The following PDGFC variants were observed in gnomAD, a reference collection of about 807,000 sequenced individuals.
The protein encoded by PDGFC is platelet-derived growth factor C.
In PDGFC, 12 loss-of-function variants were observed where a neutral mutation model predicts 35.5. That is an observed-to-expected ratio of 0.34 (90% CI 0.22 to 0.55). PDGFC has a LOEUF of 0.55. Ranked by LOEUF, PDGFC falls within the 20% of genes least tolerant of loss-of-function variation. The pLI is 0.91. For synonymous variants in PDGFC, 159 were observed against 148.8 expected, an observed-to-expected ratio of 1.07 and a Z score of -0.50; for missense variants, 322 against 412.4, an observed-to-expected ratio of 0.78 and a Z score of 1.90.
intron 3 of PDGFC, among the ~76,000 whole-genome samples, chr4:156,796,534 A>C (rs1731447355): frequency 7.2e-6 from 1 of 139,576 alleles, no homozygotes; most frequent in Non-Finnish European, 1.5e-5. Context: ...GTGTCAATTT[A>C]CAATTATCTC....
chr4:156,800,903 C>A (rs1353818199), intron 3 of PDGFC, among the ~76,000 whole-genome samples: 5 of 152,124 alleles, frequency 3.3e-5, no homozygotes, highest in Non-Finnish European at 5.9e-5. Flanking sequence ...TTTTAATACA[C>A]CTTTCCCCAA....
At chr4:156,939,772 T>G (rs1401789945) in intron 1 of PDGFC, among the ~76,000 whole-genome samples, 1 of 152,096 alleles carries the variant, frequency 6.6e-6, no homozygotes, top group African/African-American at 2.4e-5. Flanking sequence ...CCTTATGCCT[T>G]AAATATTACC....
chr4:156,919,101 T>C (rs949754269), intron 1 of PDGFC, among the ~76,000 whole-genome samples: 1 of 152,220 alleles, frequency 6.6e-6, no homozygotes, highest in African/African-American at 2.4e-5. Context: ...CCATCTGATA[T>C]AAGCAATACA....
At chr4:156,909,855 CTTGGA>C (rs1730998933) in intron 1 of PDGFC, among the ~76,000 whole-genome samples, 1 of 152,102 alleles carries the variant, frequency 6.6e-6, no homozygotes, top group South Asian at 2.1e-4. Context: ...ATAAGAGCAT[CTTGGA>C]TTTACATTGT....
At chr4:156,924,222 G>C (rs183080253) in intron 1 of PDGFC, among the ~76,000 whole-genome samples, 1 of 152,108 alleles carries the variant, frequency 6.6e-6, no homozygotes, top group Non-Finnish European at 1.5e-5. Context: ...GTGTTTATTC[G>C]TGGGCAGCCG....
intron 1 of PDGFC, among the ~76,000 whole-genome samples, chr4:156,879,137 C>T (rs1158759864): frequency 6.6e-6 from 1 of 152,122 alleles, no homozygotes; most frequent in Non-Finnish European, 1.5e-5. Context: ...TTTTCTCATT[C>T]TTCCTCCTGG....
intron 1 of PDGFC, among the ~76,000 whole-genome samples, chr4:156,964,233 A>G (rs1579129932): frequency 6.6e-6 from 1 of 151,818 alleles, no homozygotes; most frequent in Non-Finnish European, 1.5e-5. Context: ...CATATTATTC[A>G]TCACCATCAC....
Position 156,971,081 on chromosome 4 carries a change from C to T in PDGFC, c.-178G>A. 3.5e-6 allele frequency: 2 copies of T among 574,510 alleles called. No homozygotes were observed. The highest frequency in any genetic ancestry group is 6.2e-6 in the Non-Finnish European group (2 of 321,336). The allele number at this position is 574,510 out of a possible 1,614,324, so 35.6% of individuals were successfully genotyped here. A position where few individuals can be genotyped will look rare whatever the true frequency, so the allele number is the denominator to read the frequency against. On this transcript the variant is annotated 5_prime_UTR_variant, in exon 1 of 6. Transcript: ENST00000502773. ...TCCCATCCAAAACTTTTTCCTAGAG[C>T]CCTCTTCTGTGTCTCCAGTTTTTGA...
At chr4:156,920,451 A>T (rs2110837807) in intron 1 of PDGFC, among the ~76,000 whole-genome samples, 1 of 152,322 alleles carries the variant, frequency 6.6e-6, no homozygotes, top group South Asian at 2.1e-4. Flanking sequence ...ATGTGAACAA[A>T]GATGAGTCTG....
intron 2 of PDGFC, among the ~76,000 whole-genome samples, chr4:156,831,651 C>A (rs1020147276): frequency 1.3e-5 from 2 of 151,736 alleles, no homozygotes; most frequent in African/African-American, 4.8e-5. Context: ...TTCATGTTGG[C>A]CAGGCTGGTC....
At chr4:156,889,043 T>C (rs1480439281) in intron 1 of PDGFC, among the ~76,000 whole-genome samples, 1 of 152,206 alleles carries the variant, frequency 6.6e-6, no homozygotes, top group East Asian at 1.9e-4. Context: ...GTCGTGTGTC[T>C]ACTACCACGT....
chr4:156,896,910 T>A (rs1286802481), intron 1 of PDGFC, among the ~76,000 whole-genome samples: 2 of 152,156 alleles, frequency 1.3e-5, no homozygotes, highest in Non-Finnish European at 2.9e-5. Flanking sequence ...CTCTCAAGAT[T>A]TGAAATTGAT....
At chr4:156,838,097 A>C (rs1271155566) in intron 2 of PDGFC, among the ~76,000 whole-genome samples, 1 of 152,118 alleles carries the variant, frequency 6.6e-6, no homozygotes, top group Non-Finnish European at 1.5e-5. Context: ...CAAAATCTTC[A>C]CTCTAAAGAG....
intron 2 of PDGFC, among the ~76,000 whole-genome samples, chr4:156,824,946 A>G (rs113342114): frequency 7.7e-4 from 118 of 152,310 alleles, no homozygotes; most frequent in African/African-American, 2.8e-3. Flanking sequence ...TCACTATTAA[A>G]TCAGTCATAA....
At chr4:156,841,923 A>G (rs1317659286) in intron 2 of PDGFC, 3 of 152,200 alleles carry the variant, frequency 2.0e-5, no homozygotes, top group East Asian at 1.9e-4. Flanking sequence ...ATATGTTTCA[A>G]TGTAAGCCTT....
chr4:156,880,609 T>C (rs1376006261), intron 1 of PDGFC, among the ~76,000 whole-genome samples: 1 of 152,188 alleles, frequency 6.6e-6, no homozygotes, highest in Non-Finnish European at 1.5e-5. Context: ...TCAAGTCTTA[T>C]TATTTAAGGA....
intron 3 of PDGFC, among the ~76,000 whole-genome samples, chr4:156,786,472 C>T (rs1318570596): frequency 6.6e-6 from 1 of 152,236 alleles, no homozygotes; most frequent in Middle Eastern, 3.4e-3. Context: ...GGAAGATTAT[C>T]CCATGAATAT....
chr4:156,784,326 G>A (rs1731061388), intron 3 of PDGFC, among the ~76,000 whole-genome samples: 1 of 152,132 alleles, frequency 6.6e-6, no homozygotes, highest in African/African-American at 2.4e-5. Context: ...AGAGAGCCTG[G>A]AGGTCTTAGT....
At chr4:156,840,894 T>C (rs1729186836) in intron 2 of PDGFC, among the ~76,000 whole-genome samples, 1 of 152,180 alleles carries the variant, frequency 6.6e-6, no homozygotes, top group Non-Finnish European at 1.5e-5. Context: ...TTACATGCTA[T>C]AGCCCCTATG....
Sources: allele counts gnomAD v4.1 joint callset (sites outside exome capture counted in the v4.1 genomes callset), GRCh38; gene constraint gnomAD v4.1.1; transcripts MANE v1.5; gene names NCBI Gene and HGNC (gene_info 2026-07-23, HGNC 2026-07-21).